Variants in SORBS2 observed in about 807,000 individuals in gnomAD.
SORBS2 encodes sorbin and SH3 domain containing 2.
A neutral mutation model predicts 97.7 loss-of-function variants in SORBS2; 46 were observed. That is an observed-to-expected ratio of 0.47 (90% CI 0.37 to 0.60). The LOEUF (loss-of-function observed/expected upper bound fraction) is 0.60, where lower values mean the gene tolerates loss of function less well. Ranked by LOEUF, SORBS2 falls within the 20% of genes least tolerant of loss-of-function variation. The probability of loss-of-function intolerance (pLI) is 0.00; values close to 1 mark genes in which losing one functional copy is unlikely to be tolerated. For missense variants in SORBS2, 1,316 were observed against 1,282.3 expected, an observed-to-expected ratio of 1.03 and a Z score of -0.40; for synonymous variants, 476 against 473.4, an observed-to-expected ratio of 1.01 and a Z score of -0.07.
intron 2 of SORBS2, among the ~76,000 whole-genome samples, chr4:185,718,913 T>C (rs1007687145): frequency 6.6e-6 from 1 of 152,358 alleles, no homozygotes; most frequent in East Asian, 1.9e-4. Context: ...TCTTTGCAGG[T>C]TTGCTCTATG....
chr4:185,829,873 T>C (rs374256172), intron 1 of SORBS2, among the ~76,000 whole-genome samples: 1 of 152,310 alleles, frequency 6.6e-6, no homozygotes, highest in African/African-American at 2.4e-5. Flanking sequence ...CTACCAAAAA[T>C]GCATGGCTCA....
At chr4:185,756,609 G>A (rs186651476) in intron 2 of SORBS2, among the ~76,000 whole-genome samples, 347 of 151,216 alleles carry the variant, frequency 2.3e-3, no homozygotes, top group Admixed American at 3.9e-3. Flanking sequence ...CAGGTAATAT[G>A]TAATATAAGT....
intron 2 of SORBS2, among the ~76,000 whole-genome samples, chr4:185,717,042 G>A (rs1001477265): frequency 6.6e-6 from 1 of 152,180 alleles, no homozygotes; most frequent in African/African-American, 2.4e-5. Context: ...AAAACTGTCC[G>A]AGCTTAGGAC....
chr4:185,949,167 C>G (rs942329353), intron 1 of SORBS2, among the ~76,000 whole-genome samples: 2 of 152,092 alleles, frequency 1.3e-5, no homozygotes, highest in African/African-American at 4.8e-5. Context: ...CAGACTAAAC[C>G]ACATGTGATG....
At chr4:185,804,969 T>C (rs1415272036) in intron 1 of SORBS2, among the ~76,000 whole-genome samples, 1 of 152,116 alleles carries the variant, frequency 6.6e-6, no homozygotes, top group African/African-American at 2.4e-5. Context: ...AGATCTTCAA[T>C]TTTATAACTC....
chr4:185,698,192 T>C (rs937013169), intron 2 of SORBS2, among the ~76,000 whole-genome samples: 2 of 152,180 alleles, frequency 1.3e-5, no homozygotes, highest in Non-Finnish European at 2.9e-5. Context: ...AATCAAGATC[T>C]TGGCCAGGCG....
At chr4:185,941,936 T>C (rs1053250466) in intron 1 of SORBS2, among the ~76,000 whole-genome samples, 5 of 152,054 alleles carry the variant, frequency 3.3e-5, no homozygotes, top group Admixed American at 6.6e-5. Context: ...GCCAATGTGG[T>C]GAAACCCCAT....
At chr4:185,815,029 A>G (rs1474685384) in intron 1 of SORBS2, among the ~76,000 whole-genome samples, 3 of 152,244 alleles carry the variant, frequency 2.0e-5, no homozygotes, top group Admixed American at 2.0e-4. Context: ...TTTCTGAGTC[A>G]AGTGAGATAC....
At chr4:185,616,909 T>A (rs1473589379) in intron 9 of SORBS2, among the ~76,000 whole-genome samples, 3 of 152,214 alleles carry the variant, frequency 2.0e-5, no homozygotes, top group Non-Finnish European at 4.4e-5. Flanking sequence ...CCACCACCCC[T>A]GGCTAATTTT....
At chr4:185,589,369 T>C in intron 14 of SORBS2, 1 of 316,344 alleles carries the variant, frequency 3.2e-6, no homozygotes, top group Non-Finnish European at 6.0e-6. Flanking sequence ...ATATTTCTCT[T>C]CTGGGGACCA....
intron 2 of SORBS2, among the ~76,000 whole-genome samples, chr4:185,695,453 CA>C (rs1461632122): frequency 6.7e-6 from 1 of 149,878 alleles, no homozygotes; most frequent in East Asian, 1.9e-4. Flanking sequence ...ATATATTATT[CA>C]AAAAAGGACA....
chr4:185,844,348 C>T lies in SORBS2; in HGVS notation c.-337-68982G>A, dbSNP rs533466912. Reference sequence around the variant, plus strand: ...GATATGCGAATGATCGGCAGACACACGAAAAGATGCCCAACAGCGTTGGTC... The same window carrying T: ...GATATGCGAATGATCGGCAGACACATGAAAAGATGCCCAACAGCGTTGGTC... On this transcript the variant is annotated intron_variant, in intron 1 of 20. Transcript: ENST00000284776. Among the ~76,000 whole-genome samples, 49 of 152,240 alleles carry T rather than the reference C, an allele frequency of 3.2e-4. No individual in the cohort carries two copies. The South Asian group carries it at 4.2e-3, about 13-fold the overall frequency.
At chr4:185,903,959 C>A in intron 1 of SORBS2, among the ~76,000 whole-genome samples, 1 of 152,112 alleles carries the variant, frequency 6.6e-6, no homozygotes, top group Admixed American at 6.5e-5. Flanking sequence ...GTCTTATTTG[C>A]CCTCCAAGAA....
intron 3 of SORBS2, among the ~76,000 whole-genome samples, chr4:185,647,931 C>T (rs1042372988): frequency 1.3e-5 from 2 of 151,920 alleles, no homozygotes; most frequent in African/African-American, 2.4e-5. Flanking sequence ...TAAATCAAAA[C>T]GTTAATTTTG....
At chr4:185,826,762 G>A in intron 1 of SORBS2, among the ~76,000 whole-genome samples, 1 of 152,196 alleles carries the variant, frequency 6.6e-6, no homozygotes, top group Non-Finnish European at 1.5e-5. Context: ...TGAAATAACA[G>A]TAAAATGGGA....
chr4:185,624,252 T>G (rs778995300), exon 7 of SORBS2: 55 of 1,614,040 alleles, frequency 3.4e-5, no homozygotes, highest in Non-Finnish European at 4.5e-5. Context: ...CAGTCGTCGT[T>G]TAGGAGATCG....
At chr4:185,896,407 A>T (rs2099245078) in intron 1 of SORBS2, among the ~76,000 whole-genome samples, 1 of 152,134 alleles carries the variant, frequency 6.6e-6, no homozygotes, top group African/African-American at 2.4e-5. Flanking sequence ...AACATGGTGA[A>T]ACCCCGTCTC....
intron 1 of SORBS2, among the ~76,000 whole-genome samples, chr4:185,866,797 C>G (rs1278004252): frequency 6.6e-6 from 1 of 152,178 alleles, no homozygotes; most frequent in Non-Finnish European, 1.5e-5. Flanking sequence ...CTACCATATC[C>G]TGAATTGCCA....
At chr4:185,765,496 C>T (rs1325147594) in intron 2 of SORBS2, among the ~76,000 whole-genome samples, 1 of 152,176 alleles carries the variant, frequency 6.6e-6, no homozygotes, top group Non-Finnish European at 1.5e-5. Context: ...ATCCAAAATA[C>T]ATAAAAAATT....
Sources: gnomAD v4.1 joint callset for allele counts (sites outside exome capture counted in the v4.1 genomes callset) on GRCh38, gnomAD v4.1.1 for gene constraint, MANE v1.5 for transcripts, NCBI Gene and HGNC (gene_info 2026-07-23, HGNC 2026-07-21) for gene names.